The following DPP6 variants were observed in gnomAD, a reference collection of about 807,000 sequenced individuals.
The protein encoded by DPP6 is A-type potassium channel modulatory protein DPP6.
A neutral mutation model predicts 122.6 loss-of-function variants in DPP6; 69 were observed. The ratio of observed to expected loss-of-function variants is 0.56; its 90% CI spans 0.46 to 0.69. The LOEUF (loss-of-function observed/expected upper bound fraction) is 0.69, where lower values mean the gene tolerates loss of function less well. Ranked by LOEUF, DPP6 falls within the 30% of genes least tolerant of loss-of-function variation. The probability of loss-of-function intolerance (pLI) is 0.00; values close to 1 mark genes in which losing one functional copy is unlikely to be tolerated. For missense variants in DPP6, 928 were observed against 1,116.9 expected (o/e 0.83, Z 2.41); for synonymous variants, 418 against 433.1 (o/e 0.97, Z 0.43).
At chr7:154,306,345 T>G (rs1806347887) in intron 1 of DPP6, among the ~76,000 whole-genome samples, 1 of 152,190 alleles carries the variant, frequency 6.6e-6, no homozygotes, top group Non-Finnish European at 1.5e-5. Flanking sequence ...TGGAAGATCT[T>G]GAGGGTTCTT....
chr7:153,900,473 C>G (rs1799598641), intron 1 of DPP6, among the ~76,000 whole-genome samples: 1 of 152,150 alleles, frequency 6.6e-6, no homozygotes, highest in Non-Finnish European at 1.5e-5. Context: ...CAAGCTGTTT[C>G]CACTCATGGC....
intron 1 of DPP6, among the ~76,000 whole-genome samples, chr7:154,402,976 T>A (rs1213991044): frequency 6.6e-6 from 1 of 152,166 alleles, no homozygotes; most frequent in East Asian, 1.9e-4. Context: ...CAACTATAGT[T>A]CTTAGTCTCA....
intron 5 of DPP6, chr7:154,588,176 C>G: frequency 6.6e-7 from 1 of 1,510,508 alleles, no homozygotes; most frequent in Non-Finnish European, 8.9e-7. Flanking sequence ...TACTGCCTTC[C>G]CCATCCTATC....
intron 1 of DPP6, among the ~76,000 whole-genome samples, chr7:154,062,815 G>T (rs1302727036): frequency 8.0e-6 from 1 of 125,030 alleles, no homozygotes. Flanking sequence ...CGCAGAGGGG[G>T]GAGGCACCCC....
chr7:153,999,068 C>T (rs976797609), intron 1 of DPP6, among the ~76,000 whole-genome samples: 1 of 152,208 alleles, frequency 6.6e-6, no homozygotes, highest in African/African-American at 2.4e-5. Flanking sequence ...TGCCCCTGTT[C>T]AGCTATGGCA....
chr7:154,661,797 A>ATGGTGTGT (rs1837689724), intron 6 of DPP6, among the ~76,000 whole-genome samples: 1 of 140,324 alleles, frequency 7.1e-6, no homozygotes, highest in Non-Finnish European at 1.6e-5. Flanking sequence ...GTGAATCACC[A>ATGGTGTGT]TGGCGTGTTG....
At chr7:154,235,534 C>G (rs4397309) in intron 1 of DPP6, among the ~76,000 whole-genome samples, 15 of 144,650 alleles carry the variant, frequency 1.0e-4, no homozygotes, top group Non-Finnish European at 1.5e-4. Context: ...TAATTAAAAG[C>G]GTGAGCTTTG....
intron 1 of DPP6, among the ~76,000 whole-genome samples, chr7:154,342,434 A>T (rs1810013496): frequency 6.6e-6 from 1 of 152,226 alleles, no homozygotes; most frequent in South Asian, 2.1e-4. Flanking sequence ...TTCTCAATGC[A>T]TTAAACTTTG....
At chr7:154,578,040 C>T (rs946992586) in intron 5 of DPP6, among the ~76,000 whole-genome samples, 2 of 152,170 alleles carry the variant, frequency 1.3e-5, no homozygotes, top group African/African-American at 4.8e-5. Context: ...GATAATTTCA[C>T]AACATGTTAA....
intron 1 of DPP6, among the ~76,000 whole-genome samples, chr7:154,104,098 G>A (rs183087956): frequency 1.3e-5 from 2 of 152,124 alleles, no homozygotes; most frequent in South Asian, 2.1e-4. Context: ...TGACCAATAC[G>A]GTTGCCCACC....
chr7:154,499,362 C>T (rs1825027619), intron 3 of DPP6, among the ~76,000 whole-genome samples: 1 of 152,184 alleles, frequency 6.6e-6, no homozygotes, highest in South Asian at 2.1e-4. Flanking sequence ...GTGAGCACTG[C>T]AGCAGCCCAT....
intron 1 of DPP6, among the ~76,000 whole-genome samples, chr7:154,043,226 C>G (rs985628959): frequency 4.6e-5 from 7 of 151,630 alleles, no homozygotes; most frequent in African/African-American, 1.5e-4. Flanking sequence ...CGTCTCTACC[C>G]CAGCTAAAAA....
At chr7:154,219,447 G>A (rs1800180429) in intron 1 of DPP6, among the ~76,000 whole-genome samples, 1 of 152,208 alleles carries the variant, frequency 6.6e-6, no homozygotes, top group Non-Finnish European at 1.5e-5. Context: ...TCACACACAT[G>A]CTCATGAACA....
At chr7:154,035,552 G>A (rs1333657699) in intron 1 of DPP6, among the ~76,000 whole-genome samples, 1 of 152,022 alleles carries the variant, frequency 6.6e-6, no homozygotes, top group Non-Finnish European at 1.5e-5. Flanking sequence ...GGCAGTGGTA[G>A]AACCAGGGGA....
chr7:154,189,004 A>T (rs1489707779), intron 1 of DPP6, among the ~76,000 whole-genome samples: 1 of 152,220 alleles, frequency 6.6e-6, no homozygotes, highest in Admixed American at 6.5e-5. Context: ...AGGGAGAGAA[A>T]CAATAGCCTG....
intron 5 of DPP6, chr7:154,588,058 A>T (rs1476399530): frequency 6.2e-7 from 1 of 1,607,974 alleles, no homozygotes. Context: ...CTACAGGCAG[A>T]TTTCGGGCCA....
chr7:154,734,906 T>C (rs1013099526), intron 8 of DPP6, among the ~76,000 whole-genome samples: 1 of 152,206 alleles, frequency 6.6e-6, no homozygotes, highest in African/African-American at 2.4e-5. Flanking sequence ...ATAGAGCTCT[T>C]AGAATAGTGC....
intron 5 of DPP6, among the ~76,000 whole-genome samples, chr7:154,568,359 A>G (rs1401154176): frequency 6.6e-6 from 1 of 152,280 alleles, no homozygotes; most frequent in East Asian, 1.9e-4. Context: ...AAAAGCCTAG[A>G]AAGACAAATT....
the DPP6 span, among the ~76,000 whole-genome samples, chr7:153,831,874 A>G: frequency 1.3e-5 from 2 of 152,182 alleles, no homozygotes; most frequent in African/African-American, 4.8e-5. Flanking sequence ...CCTTAGAGAA[A>G]CTAGCATTTT....
Sources: gnomAD v4.1 joint callset for allele counts (sites outside exome capture counted in the v4.1 genomes callset) on GRCh38, gnomAD v4.1.1 for gene constraint, MANE v1.5 for transcripts, NCBI Gene and HGNC (gene_info 2026-07-23, HGNC 2026-07-21) for gene names.